PBRM1: variants seen among roughly 807,000 people sequenced by gnomAD.
The protein encoded by PBRM1 is protein polybromo-1.
PBRM1 carries 27 observed loss-of-function variants against 194.5 expected under a neutral mutation model. The observed-to-expected ratio is 0.14, with a 90% confidence interval of 0.10 to 0.19. The LOEUF is 0.19. PBRM1 is among the 10% of genes least tolerant of loss of function. The pLI, the probability that PBRM1 is intolerant of heterozygous loss-of-function variation, is 1.00. For synonymous variants in PBRM1, 655 were observed against 693.2 expected, an observed-to-expected ratio of 0.94 and a Z score of 0.87; for missense variants, 1,466 against 2,077.2, an observed-to-expected ratio of 0.71 and a Z score of 5.72.
chr3:52,565,412 G>A (rs2084868591), intron 22 of PBRM1, among the ~76,000 whole-genome samples: 1 of 151,794 alleles, frequency 6.6e-6, no homozygotes, highest in Admixed American at 6.6e-5. Flanking sequence ...GGAGGCTGAG[G>A]CAGAAGAATT....
At chr3:52,649,658 T>C (rs1468479385) in intron 6 of PBRM1, among the ~76,000 whole-genome samples, 1 of 152,184 alleles carries the variant, frequency 6.6e-6, no homozygotes, top group Non-Finnish European at 1.5e-5. Context: ...TTTATTCAAC[T>C]GGTACAAGGA....
chr3:52,561,761 A>T lies in PBRM1; in HGVS notation c.4288+6T>A. On this transcript the variant is annotated splice_donor_region_variant and intron_variant, in intron 25 of 29. Transcript: ENST00000296302. ...CGAAAGACAGTTGTGCCTAGGCTCT[A>T]TTTACCTTCATATTCTGCTTTCTTG... 3 of 1,612,480 alleles carry T rather than the reference A, an allele frequency of 1.9e-6. No homozygotes were observed. The highest frequency in any genetic ancestry group is 2.5e-6 in the Non-Finnish European group (3 of 1,179,034).
chr3:52,547,083 T>A (rs1284838237), downstream of PBRM1: 1 of 233,132 alleles, frequency 4.3e-6, no homozygotes, highest in Non-Finnish European at 8.5e-6. Context: ...AGGTTAGGTG[T>A]TATGTTTAAA....
At chr3:52,559,946 G>GA (rs11419126) in intron 25 of PBRM1, among the ~76,000 whole-genome samples, 66,350 of 147,686 alleles carry the variant, frequency 0.45, 14,856 homozygotes, top group Admixed American at 0.52. Flanking sequence ...AAATGAAATG[G>GA]AAAAAAAAAA....
intron 16 of PBRM1, among the ~76,000 whole-genome samples, chr3:52,606,091 C>T (rs1218743447): frequency 1.3e-5 from 2 of 152,090 alleles, no homozygotes; most frequent in Non-Finnish European, 2.9e-5. Flanking sequence ...TCTCAATCTC[C>T]TGGCTCAAGC....
At chr3:52,558,855 T>A (rs1008834989) in intron 25 of PBRM1, among the ~76,000 whole-genome samples, 1 of 152,216 alleles carries the variant, frequency 6.6e-6, no homozygotes, top group Non-Finnish European at 1.5e-5. Context: ...ACTATATATA[T>A]TTCCTGATTC....
chr3:52,624,012 G>A (rs1448934602), intron 13 of PBRM1, among the ~76,000 whole-genome samples: 1 of 152,156 alleles, frequency 6.6e-6, no homozygotes, highest in African/African-American at 2.4e-5. Context: ...TTTACTGAGT[G>A]GAATACATAT....
At chr3:52,595,251 T>C (rs1458874018) in intron 17 of PBRM1, among the ~76,000 whole-genome samples, 1 of 152,142 alleles carries the variant, frequency 6.6e-6, no homozygotes, top group African/African-American at 2.4e-5. Flanking sequence ...TTGATTGTGG[T>C]ATAAGATGGG....
chr3:52,628,476 T>A (rs879532005), intron 12 of PBRM1, among the ~76,000 whole-genome samples: 3 of 149,752 alleles, frequency 2.0e-5, no homozygotes, highest in African/African-American at 4.9e-5. Context: ...TTATATATAT[T>A]GTTTGTTTGT....
intron 4 of PBRM1, among the ~76,000 whole-genome samples, chr3:52,658,992 TCTTACAGGACAATGACTA>T (rs781573484): frequency 1.1e-3 from 169 of 152,330 alleles, no homozygotes; most frequent in African/African-American, 2.1e-3. Context: ...TCTATTGAAG[TCTTACAGGACAATGACTA>T]CTTACAGGAC....
In PBRM1 at chr3:52,617,243, G is replaced by T; in HGVS notation, c.1818+19C>A. On this transcript the variant is annotated intron_variant, in intron 14 of 29. Coordinates refer to ENST00000296302, the Ensembl canonical transcript of PBRM1. ...CTCCCGCAAAATGTGCCTACTTCAG[G>T]ACCGCTGGCCCTCCTTACCTGGGAG... 1.9e-6 allele frequency: 3 copies of T among 1,606,888 alleles called. No homozygotes were observed. Among genetic ancestry groups the T allele is most frequent in the Non-Finnish European group, 8.5e-7 (1 of 1,176,726 alleles).
At chr3:52,595,618 T>G (rs889558451) in intron 17 of PBRM1, among the ~76,000 whole-genome samples, 2 of 152,226 alleles carry the variant, frequency 1.3e-5, no homozygotes, top group Non-Finnish European at 2.9e-5. Context: ...TTTTTCCCAC[T>G]CTGTGGGTTG....
At position 52,665,810 on chromosome 3, in the gene PBRM1, G is replaced by T. The variant is rs981155151; in HGVS notation, c.384+2688C>A. Among the ~76,000 whole-genome samples the T allele has an allele frequency of 2.6e-5, 4 of 152,030 alleles. No individual in the cohort carries two copies. The South Asian group carries it at 8.3e-4, about 32-fold the overall frequency. On this transcript the variant is annotated intron_variant, in intron 3 of 29. Transcript: ENST00000296302. ...TGGTCCCTGGTGCCAAAAAGCTTGG[G>T]GACCACTGTTCTATCAGATTCAAAA...
downstream of PBRM1, chr3:52,545,984 G>A (rs1384141123): frequency 4.3e-6 from 1 of 232,760 alleles, no homozygotes; most frequent in African/African-American, 2.2e-5. Flanking sequence ...ACTTAATTAG[G>A]GCCTGTCTAG....
chr3:52,602,221 C>T (rs2094048698), intron 17 of PBRM1, among the ~76,000 whole-genome samples: 1 of 152,122 alleles, frequency 6.6e-6, no homozygotes, highest in African/African-American at 2.4e-5. Flanking sequence ...ATTATGTCTT[C>T]AAATCTTTTT....
intron 10 of PBRM1, among the ~76,000 whole-genome samples, chr3:52,637,791 A>AAAAAAAAAAAAAAAAAAAAAAAAAAC (rs2095880255): frequency 6.8e-6 from 1 of 146,840 alleles, no homozygotes. Context: ...AAAAAAAAAA[A>AAAAAAAAAAAAAAAAAAAAAAAAAAC]AAAAAATTAG....
chr3:52,576,826 G>C (rs1306421942), intron 21 of PBRM1, 128 bp from the exon 24 acceptor site: 4 of 539,050 alleles, frequency 7.4e-6, no homozygotes, highest in Non-Finnish European at 1.3e-5. Context: ...GGCTGTTTTG[G>C]TAAGACAACT....
At position 52,548,465 on chromosome 3, in the gene PBRM1, C is replaced by T. The variant is rs181574755; in HGVS notation, c.4898-230G>A. Among the ~76,000 whole-genome samples the T allele has an allele frequency of 1.6e-4, 24 of 150,260 alleles. 1 individual carries two copies. The highest frequency in any genetic ancestry group is 1.2e-3 in the Admixed American group (18 of 15,118). ...TTTTTGACATCGAGTCTCGCTCTGTCGCCCTCGCTGGAGTGCAGTGGCGCG... is the reference window on the plus strand; with the variant it reads ...TTTTTGACATCGAGTCTCGCTCTGTTGCCCTCGCTGGAGTGCAGTGGCGCG... On this transcript the variant is annotated intron_variant, in intron 29 of 29. Coordinates refer to ENST00000296302, the Ensembl canonical transcript of PBRM1.
chr3:52,614,373 CAAAAAAAA>C (rs1165930996), intron 15 of PBRM1, among the ~76,000 whole-genome samples: 6 of 40,920 alleles, frequency 1.5e-4, no homozygotes, highest in African/African-American at 2.8e-4. Context: ...GATGCTTCAT[CAAAAAAAA>C]AAAAAAAAAA....
Sources: gnomAD v4.1 joint callset for allele counts (sites outside exome capture counted in the v4.1 genomes callset) on GRCh38, gnomAD v4.1.1 for gene constraint, MANE v1.5 for transcripts, NCBI Gene and HGNC (gene_info 2026-07-23, HGNC 2026-07-21) for gene names.